SEM1: variants seen among roughly 807,000 people sequenced by gnomAD.
SEM1 encodes the protein 26S proteasome complex subunit SEM1.
In SEM1, 3 loss-of-function variants were observed where a neutral mutation model predicts 12.7. The observed-to-expected ratio is 0.24, with a 90% CI of 0.11 to 0.61. The LOEUF (loss-of-function observed/expected upper bound fraction) is 0.61. SEM1 is among the 20% of genes least tolerant of loss of function. SEM1 has a pLI of 0.88. For missense variants in SEM1, 59 were observed against 81.3 expected (o/e 0.73, Z 1.06); for synonymous variants, 30 against 27.8 (o/e 1.08, Z -0.25).
chr7:96,610,104 G>T (rs1402819171), intron 2 of SEM1, among the ~76,000 whole-genome samples: 2 of 145,496 alleles, frequency 1.4e-5, no homozygotes, highest in Non-Finnish European at 3.0e-5. Context: ...ATTCCAGCAG[G>T]TTTTTTTTTT....
chr7:96,535,432 G>C (rs1217885021), intron 2 of SEM1, among the ~76,000 whole-genome samples: 2 of 151,664 alleles, frequency 1.3e-5, no homozygotes, highest in Non-Finnish European at 2.9e-5. Context: ...TACAAATTTT[G>C]ATGTCATATT....
At chr7:96,503,136 A>T (rs1803626033) in intron 3 of SEM1, among the ~76,000 whole-genome samples, 1 of 152,176 alleles carries the variant, frequency 6.6e-6, no homozygotes, top group South Asian at 2.1e-4. Flanking sequence ...TTAGACATGC[A>T]GGCTCTCCAA....
downstream of SEM1, among the ~76,000 whole-genome samples, chr7:96,617,577 G>C (rs1807758531): frequency 6.6e-6 from 1 of 152,106 alleles, no homozygotes; most frequent in South Asian, 2.1e-4. Context: ...GTACTGTGTT[G>C]GATAAGAGTG....
At chr7:96,684,748 A>C (rs186978000), downstream of SEM1, among the ~76,000 whole-genome samples, 34 of 152,208 alleles carry the variant, frequency 2.2e-4, no homozygotes, top group East Asian at 6.6e-3. Context: ...TCATCAAGTT[A>C]ATTTTAACTC....
At chr7:96,609,621 T>C (rs1364757599) in intron 2 of SEM1, among the ~76,000 whole-genome samples, 1 of 152,198 alleles carries the variant, frequency 6.6e-6, no homozygotes, top group African/African-American at 2.4e-5. Context: ...CATGCCATTA[T>C]GATACAGCAT....
chr7:96,596,870 T>C (rs912210324), intron 2 of SEM1, among the ~76,000 whole-genome samples: 1 of 152,142 alleles, frequency 6.6e-6, no homozygotes, highest in Non-Finnish European at 1.5e-5. Context: ...AACAAATTGG[T>C]GGTTTGTTGT....
intron 2 of SEM1, among the ~76,000 whole-genome samples, chr7:96,518,909 T>C (rs1349813139): frequency 1.3e-5 from 2 of 152,174 alleles, no homozygotes; most frequent in Non-Finnish European, 2.9e-5. Flanking sequence ...CCACAAATGA[T>C]TCTGTCCTTG....
intron 3 of SEM1, among the ~76,000 whole-genome samples, chr7:96,504,445 T>C (rs1422444059): frequency 6.6e-6 from 1 of 152,088 alleles, no homozygotes; most frequent in African/African-American, 2.4e-5. Context: ...CAAATCCCCA[T>C]GAGCTCATGA....
intron 2 of SEM1, among the ~76,000 whole-genome samples, chr7:96,589,556 T>C (rs1806762510): frequency 6.6e-6 from 1 of 152,172 alleles, no homozygotes; most frequent in Admixed American, 6.5e-5. Flanking sequence ...TGCTGAGACA[T>C]CCAACCCTCA....
intron 2 of SEM1, among the ~76,000 whole-genome samples, chr7:96,643,055 T>A (rs1231359521): frequency 6.6e-6 from 1 of 152,100 alleles, no homozygotes; most frequent in Non-Finnish European, 1.5e-5. Flanking sequence ...ACCCATGGAT[T>A]AAGCCTAGTA....
In SEM1 at chr7:96,557,546, G is replaced by C. The variant is rs558179621; in HGVS notation, c.171-50848C>G. On this transcript the variant is annotated intron_variant and NMD_transcript_variant, in intron 2 of 3. Transcript: ENST00000466986. ...ACCCACTTGAGGAGGCAGTCTGCCC[G>C]TTCTCGTATTTCCAGCTGCGTGCTG... Among the ~76,000 whole-genome samples, 7 of 88,418 alleles carry C rather than the reference G, an allele frequency of 7.9e-5. 1 individual carries two copies. Among genetic ancestry groups the C allele is most frequent in the African/African-American group, 2.0e-4 (7 of 34,884 alleles). 58.0% of individuals were successfully genotyped at this position (88,418 alleles called of 152,430 possible).
At chr7:96,676,990 G>C (rs1004618537) in intron 2 of SEM1, among the ~76,000 whole-genome samples, 2 of 152,048 alleles carry the variant, frequency 1.3e-5, no homozygotes, top group Non-Finnish European at 2.9e-5. Context: ...AATTAGATTT[G>C]TTTTCAGGCT....
At chr7:96,610,116 T>TC (rs1183067874) in intron 2 of SEM1, among the ~76,000 whole-genome samples, 1 of 152,142 alleles carries the variant, frequency 6.6e-6, no homozygotes, top group Non-Finnish European at 1.5e-5. Flanking sequence ...TTTTTTTTTT[T>TC]TTGAGACAGT....
chr7:96,600,573 C>A (rs1185383932), intron 2 of SEM1, among the ~76,000 whole-genome samples: 1 of 152,118 alleles, frequency 6.6e-6, no homozygotes, highest in Non-Finnish European at 1.5e-5. Flanking sequence ...AGTAAGGTGC[C>A]CACGGTGATG....
intron 2 of SEM1, among the ~76,000 whole-genome samples, chr7:96,584,108 G>C (rs1394522264): frequency 6.6e-6 from 1 of 152,158 alleles, no homozygotes; most frequent in Non-Finnish European, 1.5e-5. Context: ...GCTGGTACCA[G>C]TTGTTCCTTT....
At chr7:96,531,443 CAAAA>C (rs1468532929) in intron 2 of SEM1, among the ~76,000 whole-genome samples, 1 of 147,794 alleles carries the variant, frequency 6.8e-6, no homozygotes, top group Non-Finnish European at 1.5e-5. Flanking sequence ...AAAAAACAAA[CAAAA>C]AGAAAAACTA....
chr7:96,606,248 A>G (rs1488892626), intron 2 of SEM1, among the ~76,000 whole-genome samples: 2 of 152,216 alleles, frequency 1.3e-5, no homozygotes, highest in Non-Finnish European at 2.9e-5. Flanking sequence ...GGGGTAATTG[A>G]TAAGGGAGGA....
intron 2 of SEM1, among the ~76,000 whole-genome samples, chr7:96,509,643 A>G (rs944707911): frequency 6.6e-6 from 1 of 152,136 alleles, no homozygotes; most frequent in South Asian, 2.1e-4. Flanking sequence ...GAAGCAACCC[A>G]AGTATCCAAG....
intron 2 of SEM1, among the ~76,000 whole-genome samples, chr7:96,555,029 G>A (rs1377429442): frequency 4.0e-5 from 6 of 149,646 alleles, no homozygotes; most frequent in Non-Finnish European, 8.9e-5. Flanking sequence ...TATTTCTGTG[G>A]GATTGGTGGT....
Sources: gnomAD v4.1 joint callset for allele counts (sites outside exome capture counted in the v4.1 genomes callset) on GRCh38, gnomAD v4.1.1 for gene constraint, MANE v1.5 for transcripts, NCBI Gene and HGNC (gene_info 2026-07-23, HGNC 2026-07-21) for gene names.